The following FAT3 variants were observed in gnomAD, a reference collection of about 807,000 sequenced individuals.
FAT3 encodes protocadherin Fat 3.
FAT3 carries 95 observed loss-of-function variants against 310.2 expected under a neutral mutation model. That is an observed-to-expected ratio of 0.31 (90% CI 0.26 to 0.36). The LOEUF (loss-of-function observed/expected upper bound fraction) is 0.36. Among genes scored for constraint, FAT3 ranks in the 10% least tolerant of loss-of-function variants. The pLI, the probability that FAT3 is intolerant of heterozygous loss-of-function variation, is 1.00. For synonymous variants in FAT3, 2,314 were observed against 2,192.9 expected (o/e 1.06, Z -1.54); for missense variants, 5,408 against 5,715.6 (o/e 0.95, Z 1.74).
At chr11:92,347,457 T>C (rs1948448725) in intron 1 of FAT3, among the ~76,000 whole-genome samples, 1 of 152,208 alleles carries the variant, frequency 6.6e-6, no homozygotes, top group Non-Finnish European at 1.5e-5. Flanking sequence ...AAAATACCTT[T>C]GGTAGTGTTC....
At chr11:92,652,807 C>G (rs1379300606) in intron 3 of FAT3, among the ~76,000 whole-genome samples, 1 of 152,206 alleles carries the variant, frequency 6.6e-6, no homozygotes, top group Non-Finnish European at 1.5e-5. Flanking sequence ...CCTCTTCCAG[C>G]CCTGGCTTCT....
At chr11:92,706,470 A>G (rs1449236621) in intron 4 of FAT3, among the ~76,000 whole-genome samples, 1 of 152,054 alleles carries the variant, frequency 6.6e-6, no homozygotes, top group Admixed American at 6.6e-5. Context: ...CTAAAAAGGC[A>G]CTGCCAGCAG....
chr11:92,822,733 C>T (rs1216424399), intron 13 of FAT3, among the ~76,000 whole-genome samples: 1 of 152,200 alleles, frequency 6.6e-6, no homozygotes, highest in Non-Finnish European at 1.5e-5. Flanking sequence ...GGCCCAGTTT[C>T]TAGTTTATGC....
chr11:92,683,054 G>A (rs1180098367), intron 3 of FAT3, among the ~76,000 whole-genome samples: 1 of 111,600 alleles, frequency 9.0e-6, no homozygotes, highest in Non-Finnish European at 1.7e-5. Flanking sequence ...CTCCAGCCTG[G>A]GTGACACAGC....
chr11:92,249,487 C>G (rs1048215281), intron 1 of FAT3, among the ~76,000 whole-genome samples: 1 of 152,110 alleles, frequency 6.6e-6, no homozygotes, highest in South Asian at 2.1e-4. Flanking sequence ...GTCACACCTG[C>G]CTGCTTTTCT....
In FAT3 at chr11:92,834,951, C is replaced by T. The variant is rs956590199; in HGVS notation, c.9953C>T (p.Thr3318Ile). The T allele has an allele frequency of 3.1e-6, 5 of 1,613,140 alleles. No homozygotes were observed. Among genetic ancestry groups the T allele is most frequent in the East Asian group, 2.2e-5 (1 of 44,872 alleles). ...GTAGTGGAAGCCAAAGATGGGGGCA[C>T]CCCAGCTCTCAGCGCTGTGGCCACT... ...YLVVEAKDGGTPALSAVATVN... is the reference protein window; with the variant it reads ...YLVVEAKDGGIPALSAVATVN... The change falls in exon 15 of 28, where the codon ACC becomes ATC. Residue 3318 changes from threonine to isoleucine, a missense_variant. By Grantham distance (89) the Thr-to-Ile change is moderately conservative. Coordinates refer to ENST00000525166, the MANE Select transcript of FAT3 (RefSeq NM_001367949.2).
chr11:92,454,696 T>C (rs181048157), intron 2 of FAT3, among the ~76,000 whole-genome samples: 154 of 152,314 alleles, frequency 1.0e-3, no homozygotes, highest in African/African-American at 3.6e-3. Flanking sequence ...TGGATGTGGC[T>C]GAAAAATATT....
At chr11:92,503,720 A>G (rs562251172) in intron 2 of FAT3, among the ~76,000 whole-genome samples, 1 of 151,686 alleles carries the variant, frequency 6.6e-6, no homozygotes, top group Non-Finnish European at 1.5e-5. Context: ...TCATTTTACT[A>G]AAAAATACAC....
chr11:92,842,383 T>G (rs1033133542), intron 18 of FAT3, among the ~76,000 whole-genome samples: 3 of 152,198 alleles, frequency 2.0e-5, no homozygotes, highest in Admixed American at 6.5e-5. Flanking sequence ...CTTTCATCTT[T>G]CTGGCCTCTG....
At chr11:92,796,001 G>A (rs1211231914) in intron 9 of FAT3, among the ~76,000 whole-genome samples, 2 of 152,116 alleles carry the variant, frequency 1.3e-5, no homozygotes, top group Admixed American at 1.3e-4. Flanking sequence ...AATCTGCCGG[G>A]TGTGGAGTGA....
chr11:92,427,690 G>T (rs181484443), intron 2 of FAT3, among the ~76,000 whole-genome samples: 1 of 152,068 alleles, frequency 6.6e-6, no homozygotes, highest in Admixed American at 6.6e-5. Context: ...TGCATATACC[G>T]AACTAGCCTT....
chr11:92,793,034 T>A, intron 9 of FAT3, 57 bp downstream of exon 9: 1 of 1,535,994 alleles, frequency 6.5e-7, no homozygotes, highest in Middle Eastern at 1.7e-4. Context: ...CGACCCTCAG[T>A]AGTATTTATC....
At chr11:92,349,877 C>T (rs1368553062) in intron 1 of FAT3, among the ~76,000 whole-genome samples, 3 of 151,776 alleles carry the variant, frequency 2.0e-5, no homozygotes, top group Non-Finnish European at 4.4e-5. Flanking sequence ...CTACGGGATA[C>T]TTCAGCAAAT....
intron 4 of FAT3, among the ~76,000 whole-genome samples, chr11:92,705,094 T>G (rs776161411): frequency 1.3e-5 from 2 of 152,228 alleles, no homozygotes; most frequent in Non-Finnish European, 2.9e-5. Flanking sequence ...TCCTCCATTC[T>G]TCTCAGTGAG....
intron 2 of FAT3, among the ~76,000 whole-genome samples, chr11:92,427,890 G>A (rs926497224): frequency 1.3e-5 from 2 of 152,114 alleles, no homozygotes; most frequent in African/African-American, 4.8e-5. Flanking sequence ...TCATAAATGA[G>A]TTAGGGAGGA....
intron 3 of FAT3, among the ~76,000 whole-genome samples, chr11:92,597,918 T>C (rs1174371727): frequency 6.6e-6 from 1 of 152,166 alleles, no homozygotes. Context: ...GGATATCTTT[T>C]TCTTTGAAGC....
At chr11:92,398,212 GTC>G (rs1174063673) in intron 2 of FAT3, among the ~76,000 whole-genome samples, 2 of 152,002 alleles carry the variant, frequency 1.3e-5, no homozygotes, top group Non-Finnish European at 2.9e-5. Flanking sequence ...GTGTGTGTCT[GTC>G]TCTGTCTAAA....
At position 92,315,586 on chromosome 11, in the gene FAT3, C is replaced by T. The variant is rs960273319; in HGVS notation, c.-17-36510C>T. Among the ~76,000 whole-genome samples, 7 of 147,002 alleles carry T rather than the reference C, an allele frequency of 4.8e-5. No homozygotes were observed. The East Asian group carries it at 8.2e-4, about 17-fold the overall frequency. On this transcript the variant is annotated intron_variant, in intron 1 of 27. Coordinates refer to ENST00000525166, the MANE Select transcript of FAT3 (RefSeq NM_001367949.2). ...TTGCCCAGGCTGGAGTGCAGTGGCA[C>T]GATATCAGCTCATTGCAACCACTGC...
At chr11:92,519,613 A>C (rs2135343007) in intron 2 of FAT3, among the ~76,000 whole-genome samples, 1 of 152,238 alleles carries the variant, frequency 6.6e-6, no homozygotes, top group Admixed American at 6.5e-5. Context: ...AAGTTAGCAA[A>C]TCACTTATCT....
Sources: allele counts gnomAD v4.1 joint callset (sites outside exome capture counted in the v4.1 genomes callset), GRCh38; gene constraint gnomAD v4.1.1; transcripts MANE v1.5; gene names NCBI Gene and HGNC (gene_info 2026-07-23, HGNC 2026-07-21).